MAP3K5: variants seen among roughly 807,000 people sequenced by gnomAD.
MAP3K5 encodes the protein mitogen-activated protein kinase kinase kinase 5, also known as ASK-1.
MAP3K5 carries 56 observed loss-of-function variants against 158.7 expected under a neutral mutation model. The ratio of observed to expected loss-of-function variants is 0.35; its 90% CI spans 0.28 to 0.44. The LOEUF (loss-of-function observed/expected upper bound fraction) is 0.44. Among genes scored for constraint, MAP3K5 ranks in the 20% least tolerant of loss-of-function variants. The pLI is 1.00. For missense variants in MAP3K5, 1,294 were observed against 1,674.8 expected (o/e 0.77, Z 3.97); for synonymous variants, 579 against 601.7 (o/e 0.96, Z 0.55).
chr6:136,634,889 CTT>C (rs58485489), intron 14 of MAP3K5, among the ~76,000 whole-genome samples: 2 of 142,534 alleles, frequency 1.4e-5, no homozygotes, highest in Non-Finnish European at 1.5e-5. Context: ...CTTTTCTTCT[CTT>C]TTTTTTTTTT....
intron 26 of MAP3K5, among the ~76,000 whole-genome samples, chr6:136,562,837 ATT>A (rs3040779): frequency 1.2e-4 from 15 of 124,816 alleles, no homozygotes; most frequent in Admixed American, 4.6e-4. Flanking sequence ...TGCCTGGCTA[ATT>A]TTTTTTTTTT....
chr6:136,792,771 C>G (rs1184210409), upstream of MAP3K5, among the ~76,000 whole-genome samples: 3 of 152,194 alleles, frequency 2.0e-5, no homozygotes, highest in Non-Finnish European at 4.4e-5. The surrounding 1 kb of genome is among the most constrained non-coding windows in gnomAD (Gnocchi z 5.7). Flanking sequence ...TGCCTGGCCT[C>G]GTTTCTCTTT....
At chr6:136,697,925 GGT>G in intron 4 of MAP3K5, among the ~76,000 whole-genome samples, 1 of 151,998 alleles carries the variant, frequency 6.6e-6, no homozygotes, top group East Asian at 1.9e-4. Context: ...TTGTATTTTT[GGT>G]AGAGACAGGG....
At chr6:136,661,382 T>C (rs1423219792) in intron 8 of MAP3K5, among the ~76,000 whole-genome samples, 1 of 152,154 alleles carries the variant, frequency 6.6e-6, no homozygotes, top group African/African-American at 2.4e-5. Context: ...CACGGTCTTC[T>C]ATCTGGATAT....
At chr6:136,583,868 G>A in intron 23 of MAP3K5, 128 bp from the exon 24 acceptor site, 1 of 779,374 alleles carries the variant, frequency 1.3e-6, no homozygotes, top group South Asian at 1.9e-5. Flanking sequence ...TCACTATATT[G>A]CCCAGGCTGG....
intron 2 of MAP3K5, among the ~76,000 whole-genome samples, chr6:136,711,360 C>T (rs117978321): frequency 0.012 from 1,772 of 152,190 alleles, 20 homozygotes; most frequent in Non-Finnish European, 0.019. Context: ...TCTCATTTCT[C>T]TTCTGTAAAG....
chr6:136,582,864 A>T (rs6570083), intron 24 of MAP3K5, among the ~76,000 whole-genome samples: 23,154 of 152,178 alleles, frequency 0.15, 1,980 homozygotes, highest in African/African-American at 0.22. Flanking sequence ...TTTGGCACTG[A>T]GTTCCACAGA....
chr6:136,749,761 G>A (rs757142903), intron 1 of MAP3K5, among the ~76,000 whole-genome samples: 1 of 152,070 alleles, frequency 6.6e-6, no homozygotes, highest in Non-Finnish European at 1.5e-5. Flanking sequence ...AGCCCACATG[G>A]ACGTCGACTG....
intron 24 of MAP3K5, among the ~76,000 whole-genome samples, chr6:136,582,308 GTC>G (rs1554280175): frequency 2.2e-5 from 3 of 137,730 alleles, no homozygotes; most frequent in African/African-American, 8.1e-5. Context: ...GTGTGTGTGT[GTC>G]TGACCTGGCC....
In MAP3K5 at chr6:136,720,520, T is replaced by G. The variant is rs761201354; in HGVS notation, c.518A>C (p.Glu173Ala). The G allele has an allele frequency of 1.2e-6, 2 of 1,613,568 alleles. No homozygotes were observed. Among genetic ancestry groups the G allele is most frequent in the Non-Finnish European group, 1.7e-6 (2 of 1,179,714 alleles). ...PSLFYHLGVR[E>A]SFSMANNIIL... ...GATGTTGTTGGCCATGCTGAAACTT[T>G]CTCTCACCCCAAGGTGGTAAAACAA... Residue 173 changes from glutamate to alanine, a missense_variant, in exon 2 of 30, where the codon GAA becomes GCA. By Grantham distance (107) the Glu-to-Ala change is moderately radical (BLOSUM62 -1). Transcript: ENST00000359015.
chr6:136,611,207 C>T, intron 18 of MAP3K5, 75 bp downstream of exon 18: 1 of 737,596 alleles, frequency 1.4e-6, no homozygotes, highest in Non-Finnish European at 2.3e-6. Flanking sequence ...CTGAATTTCT[C>T]TCTCACATTG....
intron 9 of MAP3K5, among the ~76,000 whole-genome samples, chr6:136,657,354 G>T (rs750353897): frequency 6.6e-6 from 1 of 152,176 alleles, no homozygotes; most frequent in Non-Finnish European, 1.5e-5. Flanking sequence ...TAAGTTAGTG[G>T]AACCTTAAGG....
chr6:136,760,351 C>T (rs1483507947), intron 1 of MAP3K5, among the ~76,000 whole-genome samples: 3 of 152,048 alleles, frequency 2.0e-5, no homozygotes, highest in South Asian at 2.1e-4. Context: ...AAGGCACATG[C>T]CATCTTATAT....
chr6:136,597,941 A>G (rs1775705559), intron 21 of MAP3K5, among the ~76,000 whole-genome samples: 1 of 152,240 alleles, frequency 6.6e-6, no homozygotes, highest in Non-Finnish European at 1.5e-5. Flanking sequence ...ATAGCCACAT[A>G]TGACTAGTGG....
chr6:136,585,985 A>C (rs1327568510), intron 23 of MAP3K5, among the ~76,000 whole-genome samples: 1 of 152,236 alleles, frequency 6.6e-6, no homozygotes, highest in Non-Finnish European at 1.5e-5. Context: ...TATAATTTCT[A>C]GGAGTCTATT....
At chr6:136,726,173 A>T (rs901259633) in intron 1 of MAP3K5, among the ~76,000 whole-genome samples, 1 of 152,186 alleles carries the variant, frequency 6.6e-6, no homozygotes, top group African/African-American at 2.4e-5. Flanking sequence ...TTCCTACGTA[A>T]ATTTGAGAAT....
chr6:136,594,427 G>A (rs1339441089), intron 21 of MAP3K5, among the ~76,000 whole-genome samples: 2 of 152,164 alleles, frequency 1.3e-5, no homozygotes, highest in Admixed American at 6.5e-5. Flanking sequence ...TCGCTATTTG[G>A]GGGGAACGGA....
chr6:136,599,149 A>G (rs1775762723), intron 21 of MAP3K5, among the ~76,000 whole-genome samples: 2 of 105,780 alleles, frequency 1.9e-5, no homozygotes, highest in African/African-American at 7.5e-5. Flanking sequence ...CCAGCCTAGG[A>G]CTCCGTCTCA....
chr6:136,620,405 T>C (rs1056891003), intron 15 of MAP3K5, among the ~76,000 whole-genome samples: 1 of 152,172 alleles, frequency 6.6e-6, no homozygotes, highest in Non-Finnish European at 1.5e-5. Flanking sequence ...AACCTGCGCA[T>C]GTACCCCCTG....
Sources: gnomAD v4.1 joint callset for allele counts (sites outside exome capture counted in the v4.1 genomes callset) on GRCh38, gnomAD v4.1.1 for gene constraint, Gnocchi (gnomAD v3.1) non-coding constraint, MANE v1.5 for transcripts, NCBI Gene and HGNC (gene_info 2026-07-23, HGNC 2026-07-21) for gene names.